LOXL2: variants seen among roughly 807,000 people sequenced by gnomAD.
The protein encoded by LOXL2 is lysyl oxidase homolog 2.
Under a neutral mutation model 93.0 loss-of-function variants are expected in LOXL2, and 70 were observed. The ratio of observed to expected loss-of-function variants is 0.75; its 90% confidence interval spans 0.62 to 0.92. LOXL2 has a LOEUF of 0.92. Among genes scored for constraint, LOXL2 ranks in the 40% least tolerant of loss-of-function variants. The pLI, the probability that LOXL2 is intolerant of heterozygous loss-of-function variation, is 0.00. For missense variants in LOXL2, 973 were observed against 1,054.9 expected (o/e 0.92, Z 1.08); for synonymous variants, 438 against 413.2 (o/e 1.06, Z -0.73).
intron 11 of LOXL2, among the ~76,000 whole-genome samples, chr8:23,302,944 T>C (rs1010843879): frequency 2.0e-5 from 3 of 151,806 alleles, no homozygotes; most frequent in Non-Finnish European, 2.9e-5. Context: ...AGAAAAAAGG[T>C]TGGTGGCAGC....
At chr8:23,321,399 C>A (rs954486309) in intron 7 of LOXL2, among the ~76,000 whole-genome samples, 46 of 152,180 alleles carry the variant, frequency 3.0e-4, no homozygotes, top group African/African-American at 1.1e-3. Context: ...AAGACTGGAG[C>A]GCACAGTGTA....
At chr8:23,330,333 C>CAA (rs1803652135) in intron 5 of LOXL2, among the ~76,000 whole-genome samples, 1 of 11,522 alleles carries the variant, frequency 8.7e-5, no homozygotes, top group Admixed American at 9.9e-4. Flanking sequence ...GACTCCGTCT[C>CAA]AAAACAAAAC....
At chr8:23,306,601 G>A (rs1200654404) in intron 10 of LOXL2, among the ~76,000 whole-genome samples, 2 of 152,252 alleles carry the variant, frequency 1.3e-5, no homozygotes, top group African/African-American at 4.8e-5. Flanking sequence ...AGGAAGCTGA[G>A]CCGCACATGT....
chr8:23,314,056 T>C (rs1803355900), intron 9 of LOXL2, among the ~76,000 whole-genome samples: 2 of 150,288 alleles, frequency 1.3e-5, no homozygotes, highest in African/African-American at 4.9e-5. Context: ...TCACCATCAC[T>C]GGCCATCAGA....
intron 1 of LOXL2, among the ~76,000 whole-genome samples, chr8:23,372,776 A>G (rs1206526367): frequency 3.3e-5 from 5 of 152,238 alleles, no homozygotes; most frequent in Non-Finnish European, 5.9e-5. Context: ...AGGAAAAAAT[A>G]GACAAATTCA....
At chr8:23,385,969 A>G (rs755461319) in intron 1 of LOXL2, 10 of 765,152 alleles carry the variant, frequency 1.3e-5, no homozygotes, top group East Asian at 4.8e-5. Context: ...GTGGCCCCAT[A>G]TGGTGGTGGC....
At chr8:23,300,097 C>G (rs1803104144) in intron 12 of LOXL2, among the ~76,000 whole-genome samples, 1 of 152,260 alleles carries the variant, frequency 6.6e-6, no homozygotes, top group South Asian at 2.1e-4. Flanking sequence ...CTCCACATGC[C>G]AAGGCCTCCA....
intron 1 of LOXL2, among the ~76,000 whole-genome samples, chr8:23,392,853 G>A (rs2117237351): frequency 6.6e-6 from 1 of 152,248 alleles, no homozygotes; most frequent in African/African-American, 2.4e-5. Context: ...ACCAGTAAAT[G>A]AGTTCAGCAA....
In LOXL2 at chr8:23,297,741, TGAC is replaced by T. The variant is rs1415792445; in HGVS notation, c.*299_*301del. On this transcript the variant is annotated 3_prime_UTR_variant, in exon 14 of 14. Coordinates refer to ENST00000389131, the MANE Select transcript of LOXL2 (RefSeq NM_002318.3). ...CGGTGGCTTGAATGGGACAAGCTGA[TGAC>T]AACCTGTCTGTGGGCCTCATCCCGG... 1.6e-5 allele frequency: 5 copies of T among 313,334 alleles called. No homozygotes were observed. The highest frequency in any genetic ancestry group is 5.5e-5 in the South Asian group (1 of 18,158). The allele number at this position is 313,334 out of a possible 1,614,324, so 19.4% of individuals were successfully genotyped here.
At chr8:23,330,842 A>G (rs10111211) in intron 5 of LOXL2, among the ~76,000 whole-genome samples, 111,019 of 150,854 alleles carry the variant, frequency 0.74, 41,271 homozygotes, top group South Asian at 0.82. Flanking sequence ...GTCGGAGGAG[A>G]GGGACATGGC....
At chr8:23,370,109 G>A (rs1229390173) in intron 1 of LOXL2, among the ~76,000 whole-genome samples, 2 of 152,034 alleles carry the variant, frequency 1.3e-5, no homozygotes, top group African/African-American at 4.8e-5. Flanking sequence ...TTTATGTGTG[G>A]CACGTGCCTA....
intron 1 of LOXL2, among the ~76,000 whole-genome samples, chr8:23,403,741 G>T (rs761584686): frequency 1.3e-5 from 2 of 152,036 alleles, no homozygotes; most frequent in African/African-American, 4.8e-5. Context: ...CGCCCGGCCC[G>T]TACGAGGTGG....
At chr8:23,358,428 G>A (rs1804232712) in intron 3 of LOXL2, among the ~76,000 whole-genome samples, 1 of 152,194 alleles carries the variant, frequency 6.6e-6, no homozygotes, top group Admixed American at 6.5e-5. Flanking sequence ...AACTTCCTCT[G>A]GAACCCAAGT....
At chr8:23,367,868 C>T in intron 2 of LOXL2, 129 bp downstream of exon 2, 1 of 755,252 alleles carries the variant, frequency 1.3e-6, no homozygotes, top group Non-Finnish European at 2.1e-6. Context: ...ATGCCAGTCC[C>T]TGGATGGGCA....
At chr8:23,358,680 TG>T (rs997372788) in intron 3 of LOXL2, among the ~76,000 whole-genome samples, 54 of 152,342 alleles carry the variant, frequency 3.5e-4, no homozygotes, top group African/African-American at 1.3e-3. Flanking sequence ...AAGAATTTGC[TG>T]GAAAGCTAAC....
intron 1 of LOXL2, among the ~76,000 whole-genome samples, chr8:23,397,418 T>C (rs1800104353): frequency 6.6e-6 from 1 of 152,210 alleles, no homozygotes; most frequent in Admixed American, 6.5e-5. Flanking sequence ...TATGTGGGTA[T>C]ATACTTAGGA....
At chr8:23,350,167 G>C (rs1257171636) in intron 3 of LOXL2, among the ~76,000 whole-genome samples, 1 of 152,176 alleles carries the variant, frequency 6.6e-6, no homozygotes, top group Non-Finnish European at 1.5e-5. Flanking sequence ...CACGCAGTTA[G>C]ATGGCTTGGC....
chr8:23,403,139 G>T (rs1224716511), intron 1 of LOXL2, among the ~76,000 whole-genome samples: 1 of 152,152 alleles, frequency 6.6e-6, no homozygotes, highest in Non-Finnish European at 1.5e-5. Flanking sequence ...GAGAAGGGGC[G>T]CGGTGGGCAA....
intron 12 of LOXL2, among the ~76,000 whole-genome samples, chr8:23,299,651 G>A (rs557069318): frequency 2.0e-5 from 3 of 152,306 alleles, no homozygotes; most frequent in African/African-American, 7.2e-5. Flanking sequence ...AGAAAGGGAG[G>A]GAGAGGGAGA....
Sources: allele counts gnomAD v4.1 joint callset (sites outside exome capture counted in the v4.1 genomes callset), GRCh38; gene constraint gnomAD v4.1.1; transcripts MANE v1.5; gene names NCBI Gene and HGNC (gene_info 2026-07-23, HGNC 2026-07-21).